Variants in CXXC4 observed in about 807,000 individuals in gnomAD.
CXXC4 encodes the protein CXXC finger protein 4.
In CXXC4, 5 loss-of-function variants were observed where a neutral mutation model predicts 20.5. That is an observed-to-expected ratio of 0.24 (90% CI 0.13 to 0.51). The LOEUF (loss-of-function observed/expected upper bound fraction) is 0.51, where lower values mean the gene tolerates loss of function less well. Ranked by LOEUF, CXXC4 falls within the 20% of genes least tolerant of loss-of-function variation. CXXC4 has a pLI of 0.97. For missense variants in CXXC4, 419 were observed against 496.4 expected, an observed-to-expected ratio of 0.84 and a Z score of 1.48; for synonymous variants, 250 against 216.4, an observed-to-expected ratio of 1.16 and a Z score of -1.36.
intron 2 of CXXC4, among the ~76,000 whole-genome samples, chr4:104,486,568 C>A (rs909314172): frequency 2.0e-5 from 3 of 151,756 alleles, no homozygotes; most frequent in African/African-American, 7.3e-5. Context: ...TATATTTGCA[C>A]TTTTTGGTTA....
chr4:104,494,029 G>A (rs62329622), intron 1 of CXXC4, among the ~76,000 whole-genome samples: 51,098 of 151,868 alleles, frequency 0.34, 9,913 homozygotes, highest in South Asian at 0.48. Context: ...TTTTCTGATT[G>A]CCATCACCAT....
intron 2 of CXXC4, among the ~76,000 whole-genome samples, chr4:104,486,658 A>T (rs558814470): frequency 6.6e-6 from 1 of 152,276 alleles, no homozygotes. Flanking sequence ...AAATTATGAC[A>T]TAAAAAAACT....
chr4:104,484,226 C>T (rs1176008040), intron 2 of CXXC4, among the ~76,000 whole-genome samples: 4 of 151,916 alleles, frequency 2.6e-5, no homozygotes, highest in Admixed American at 6.6e-5. Flanking sequence ...AATGTTAAAA[C>T]GTTATAAGGT....
chr4:104,473,795 T>C (rs1736337695), intron 2 of CXXC4, among the ~76,000 whole-genome samples: 1 of 151,930 alleles, frequency 6.6e-6, no homozygotes, highest in South Asian at 2.1e-4. Flanking sequence ...AAAACATTAA[T>C]AGCACTTGAT....
chr4:104,479,169 T>G (rs1422081050), intron 2 of CXXC4, among the ~76,000 whole-genome samples: 2 of 152,084 alleles, frequency 1.3e-5, no homozygotes, highest in Non-Finnish European at 2.9e-5. Context: ...TGGTTAATTT[T>G]AAAGCAGTCA....
Position 104,486,114 on chromosome 4 carries a change from AT to A in CXXC4, c.1059+4629del, listed in dbSNP as rs531644240. 2.4e-4 allele frequency among the ~76,000 whole-genome samples: 37 copies of A among 151,072 alleles called. 1 individual carries two copies. The East Asian group carries it at 6.7e-3, about 28-fold the overall frequency. On this transcript the variant is annotated intron_variant, in intron 2 of 2. Coordinates refer to ENST00000394767, the MANE Select transcript of CXXC4 (RefSeq NM_025212.4). The stretch of plus-strand genomic sequence containing the variant: ...TTTACAAATGAATTTTAATTACTTT[AT>A]TTTATTATTCCTAATTGCCATCTAA...
intron 2 of CXXC4, among the ~76,000 whole-genome samples, chr4:104,480,030 T>C (rs1203269668): frequency 6.6e-6 from 1 of 152,200 alleles, no homozygotes; most frequent in African/African-American, 2.4e-5. Flanking sequence ...CTTTGGTTCA[T>C]CTACTTTCAT....
In CXXC4 at chr4:104,472,318, T is replaced by C. The variant is rs763540720; in HGVS notation, c.*4A>G. Reference sequence around the variant, plus strand: ...ATGCCTTGAAAATAAGATATACTACTGCTTTAAAAGAACCATCGGAATGCT... The same window carrying C: ...ATGCCTTGAAAATAAGATATACTACCGCTTTAAAAGAACCATCGGAATGCT... On this transcript the variant is annotated 3_prime_UTR_variant, in exon 3 of 3. Coordinates refer to ENST00000394767, the MANE Select transcript of CXXC4 (RefSeq NM_025212.4). The C allele has an allele frequency of 1.9e-6, 3 of 1,597,620 alleles. No homozygotes were observed. Among genetic ancestry groups the C allele is most frequent in the Non-Finnish European group, 1.7e-6 (2 of 1,169,554 alleles).
chr4:104,489,350 A>T (rs1012428136), intron 2 of CXXC4, among the ~76,000 whole-genome samples: 4 of 152,152 alleles, frequency 2.6e-5, no homozygotes, highest in African/African-American at 9.7e-5. Context: ...GGTTAAAAAA[A>T]AAACTGTATC....
rs573683308 is a variant in CXXC4, at chr4:104,486,408, A to C, written c.1059+4336T>G. On this transcript the variant is annotated intron_variant, in intron 2 of 2. Coordinates refer to ENST00000394767, the MANE Select transcript of CXXC4 (RefSeq NM_025212.4). ...CAAATTCATTTGTGGCTTTAGTCAAAGATAAAATTTTCCAAGCTTTTTCCT... is the reference window on the plus strand; with the variant it reads ...CAAATTCATTTGTGGCTTTAGTCAACGATAAAATTTTCCAAGCTTTTTCCT... 1.3e-4 allele frequency among the ~76,000 whole-genome samples: 20 copies of C among 152,184 alleles called. 1 individual carries two copies. In the South Asian group the frequency reaches 3.9e-3, roughly 30 times the overall value.
chr4:104,468,391 T>A lies in CXXC4; in HGVS notation c.*3931A>T, dbSNP rs928770369. ...TGGGCAAATTGAATGTGATTTTTTT[T>A]ACTTTTTTTTTTTTTTTACAGTTTT... On this transcript the variant is annotated 3_prime_UTR_variant, in exon 3 of 3. Transcript: ENST00000394767. 1 of 94,200 alleles carries A rather than the reference T, an allele frequency of 1.1e-5. No homozygotes were observed. The highest frequency in any genetic ancestry group is 2.1e-5 in the Non-Finnish European group (1 of 48,690). The allele number at this position is 94,200 out of a possible 1,614,324, so 5.8% of individuals were successfully genotyped here.
intron 2 of CXXC4, among the ~76,000 whole-genome samples, chr4:104,473,609 A>C (rs1311639592): frequency 6.6e-6 from 1 of 151,936 alleles, no homozygotes; most frequent in Non-Finnish European, 1.5e-5. Context: ...CTCCTGCAAA[A>C]GAAAGTTGAC....
In CXXC4 at chr4:104,490,939, G is replaced by C. The variant is rs146939312; in HGVS notation, c.864C>G (p.Ser288=). The C allele has an allele frequency of 8.7e-6, 14 of 1,609,058 alleles. No individual in the cohort carries two copies. The highest frequency in any genetic ancestry group is 1.2e-5 in the Non-Finnish European group (14 of 1,177,868). The change falls in exon 2 of 3, where the codon TCC becomes TCG. Residue 288 remains serine (S), a synonymous_variant. Transcript: ENST00000394767. ...CGCCAGCTCCCCCTGAGGAGGACGA[G>C]GAGGAGGAGGAATGATTCTGCGGGC... ...ADCPQNHSSS[S]SSSSGGAGGA...
At chr4:104,487,025 C>T (rs1736717609) in intron 2 of CXXC4, among the ~76,000 whole-genome samples, 1 of 152,110 alleles carries the variant, frequency 6.6e-6, no homozygotes, top group Non-Finnish European at 1.5e-5. Flanking sequence ...CTGCCAACCC[C>T]CTTAGAAACT....
rs1010747886 is a variant in CXXC4, at chr4:104,492,401, T to A, written c.-257-342A>T. Reference sequence around the variant, plus strand: ...TGGAGTGCTAAAGACATGCAAATCATGGGTGGGAGGGCGATACTACCTATA... The same window carrying A: ...TGGAGTGCTAAAGACATGCAAATCAAGGGTGGGAGGGCGATACTACCTATA... On this transcript the variant is annotated intron_variant, in intron 1 of 2. Coordinates refer to ENST00000394767, the MANE Select transcript of CXXC4 (RefSeq NM_025212.4). 5.9e-5 allele frequency among the ~76,000 whole-genome samples: 9 copies of A among 151,856 alleles called. No individual in the cohort carries two copies. The East Asian group carries it at 1.7e-3, about 29-fold the overall frequency.
In CXXC4 at chr4:104,469,662, ATC is replaced by A. The variant is rs1736212158; in HGVS notation, c.*2658_*2659del. 6.6e-6 allele frequency: 1 copy of A among 152,088 alleles called. No individual in the cohort carries two copies. The highest frequency in any genetic ancestry group is 6.6e-5 in the Admixed American group (1 of 15,228). The allele number at this position is 152,088 out of a possible 1,614,324, so 9.4% of individuals were successfully genotyped here. On this transcript the variant is annotated 3_prime_UTR_variant, in exon 3 of 3. Transcript: ENST00000394767. ...AAACTAGAGAAAGGCCAGAAGAGTCATCTCTTTCTTCAACATCACCAATGAGA... is the reference window on the plus strand; with the variant it reads ...AAACTAGAGAAAGGCCAGAAGAGTCATCTTTCTTCAACATCACCAATGAGA...
At chr4:104,477,942 A>G (rs1736456131) in intron 2 of CXXC4, among the ~76,000 whole-genome samples, 1 of 152,162 alleles carries the variant, frequency 6.6e-6, no homozygotes, top group African/African-American at 2.4e-5. Context: ...ATATAAATTA[A>G]AAACAACTTT....
At chr4:104,486,059 G>C (rs1736684335) in intron 2 of CXXC4, among the ~76,000 whole-genome samples, 1 of 151,862 alleles carries the variant, frequency 6.6e-6, no homozygotes, top group African/African-American at 2.4e-5. Context: ...GTTTGATGAT[G>C]GTTGAATTTC....
intron 2 of CXXC4, among the ~76,000 whole-genome samples, chr4:104,482,688 T>C (rs967634200): frequency 6.6e-6 from 1 of 152,158 alleles, no homozygotes; most frequent in Admixed American, 6.5e-5. Context: ...TCTGTTCACT[T>C]AAAAATGTAT....
Sources: gnomAD v4.1 joint callset for allele counts (sites outside exome capture counted in the v4.1 genomes callset) on GRCh38, gnomAD v4.1.1 for gene constraint, MANE v1.5 for transcripts, NCBI Gene and HGNC (gene_info 2026-07-23, HGNC 2026-07-21) for gene names.